Variants in TBC1D22A observed in about 807,000 individuals in gnomAD.
TBC1D22A encodes putative GTPase activator.
Under a neutral mutation model 60.2 loss-of-function variants are expected in TBC1D22A, and 38 were observed. The ratio of observed to expected loss-of-function variants is 0.63; its 90% CI spans 0.49 to 0.83. The LOEUF is 0.83. Ranked by LOEUF, TBC1D22A falls within the 40% of genes least tolerant of loss-of-function variation. The probability of loss-of-function intolerance (pLI) is 0.00; values close to 1 mark genes in which losing one functional copy is unlikely to be tolerated. For missense variants in TBC1D22A, 628 were observed against 701.0 expected (o/e 0.90, Z 1.18); for synonymous variants, 302 against 281.7 (o/e 1.07, Z -0.72).
chr22:46,933,929 G>A (rs2071498509), intron 8 of TBC1D22A, among the ~76,000 whole-genome samples: 2 of 152,222 alleles, frequency 1.3e-5, no homozygotes, highest in Non-Finnish European at 1.5e-5. Context: ...GTGTGGCCAG[G>A]TGGTCTCCAG....
intron 8 of TBC1D22A, among the ~76,000 whole-genome samples, 183 bp downstream of exon 8, chr22:46,912,371 A>T (rs1302812281): frequency 3.3e-5 from 5 of 152,238 alleles, no homozygotes; most frequent in Non-Finnish European, 7.3e-5. Flanking sequence ...TACATGCTCA[A>T]CTACTGAAGA....
chr22:47,065,391 C>T (rs535730139), intron 11 of TBC1D22A, among the ~76,000 whole-genome samples: 9 of 152,246 alleles, frequency 5.9e-5, no homozygotes, highest in Middle Eastern at 3.4e-3. Flanking sequence ...AGCGAAGTTC[C>T]GAGAGTTCAG....
chr22:46,890,728 G>C (rs148868572), intron 5 of TBC1D22A, among the ~76,000 whole-genome samples: 1 of 152,300 alleles, frequency 6.6e-6, no homozygotes, highest in East Asian at 1.9e-4. Flanking sequence ...TTTATGTACT[G>C]AGACTGCAGC....
In TBC1D22A at chr22:46,793,526, C is replaced by T. The variant is rs1182410627; in HGVS notation, c.145C>T (p.Pro49Ser). The change falls in exon 3 of 13, where the codon CCG (proline) becomes TCG (serine). Residue 49 changes from proline to serine, a missense_variant. Transcript: ENST00000337137. ...GTLLRSTAKM[P>S]TTPVKAKRVS... ...TTTGCTCAGGTCCACGGCCAAGATG[C>T]CGACCACACCAGTGAAGGCCAAGAG... is the stretch of plus-strand genomic sequence containing the variant. 1.2e-5 allele frequency: 20 copies of T among 1,614,068 alleles called. No homozygotes were observed. Among genetic ancestry groups the T allele is most frequent in the Middle Eastern group, 1.7e-4 (1 of 6,060 alleles).
chr22:47,172,735 G>C (rs1227876118), intron 12 of TBC1D22A, among the ~76,000 whole-genome samples: 1 of 152,240 alleles, frequency 6.6e-6, no homozygotes, highest in Non-Finnish European at 1.5e-5. Context: ...AGAGGAGGAA[G>C]CTGGGCCTCG....
At chr22:47,015,210 AG>A (rs2061867974) in intron 10 of TBC1D22A, among the ~76,000 whole-genome samples, 1 of 152,216 alleles carries the variant, frequency 6.6e-6, no homozygotes, top group Non-Finnish European at 1.5e-5. Flanking sequence ...GGCCTATGTC[AG>A]CCATGGGCTT....
At chr22:47,021,401 T>C (rs1261016657) in intron 10 of TBC1D22A, among the ~76,000 whole-genome samples, 342 of 92,968 alleles carry the variant, frequency 3.7e-3, no homozygotes, top group Middle Eastern at 8.5e-3. Context: ...CTAGCAGAAC[T>C]CCACCTGTAG....
chr22:47,048,734 A>T (rs1200714988), intron 11 of TBC1D22A, among the ~76,000 whole-genome samples: 1 of 151,866 alleles, frequency 6.6e-6, no homozygotes, highest in Non-Finnish European at 1.5e-5. Context: ...GCAGGGTGGG[A>T]TGGGGACAGG....
intron 10 of TBC1D22A, among the ~76,000 whole-genome samples, chr22:47,021,619 C>T (rs1306024072): frequency 6.6e-6 from 1 of 151,938 alleles, no homozygotes; most frequent in Non-Finnish European, 1.5e-5. Flanking sequence ...CAGAACCTCA[C>T]CTGTCGCCTG....
intron 4 of TBC1D22A, among the ~76,000 whole-genome samples, chr22:46,862,540 G>C (rs2087955287): frequency 1.3e-5 from 2 of 152,246 alleles, no homozygotes. Flanking sequence ...CATTCTCCCA[G>C]TGAAGCACTT....
intron 4 of TBC1D22A, among the ~76,000 whole-genome samples, chr22:46,816,466 A>G (rs1037835420): frequency 4.6e-5 from 7 of 152,228 alleles, no homozygotes; most frequent in Non-Finnish European, 7.3e-5. Context: ...TCTTTCCAAT[A>G]AGATTAGGTA....
At chr22:47,072,407 T>G (rs1376391486) in intron 11 of TBC1D22A, among the ~76,000 whole-genome samples, 1 of 152,254 alleles carries the variant, frequency 6.6e-6, no homozygotes, top group East Asian at 1.9e-4. Context: ...GCAGCCTCCT[T>G]GGCTTTGCAG....
intron 11 of TBC1D22A, among the ~76,000 whole-genome samples, chr22:47,038,868 C>T (rs1198194740): frequency 6.6e-6 from 1 of 152,198 alleles, no homozygotes; most frequent in Non-Finnish European, 1.5e-5. Flanking sequence ...GGACATAAAG[C>T]CTTACCTTGG....
chr22:47,040,575 G>A lies in TBC1D22A; in HGVS notation c.1329+3377G>A, dbSNP rs191697739. On this transcript the variant is annotated intron_variant, in intron 11 of 12. Transcript: ENST00000337137. ...GGAGAGGGAAGCTCGGATGGGGGGTGGGTGGAACCTGGGGAGGGTGATCCC... is the reference window on the plus strand; with the variant it reads ...GGAGAGGGAAGCTCGGATGGGGGGTAGGTGGAACCTGGGGAGGGTGATCCC... Among the ~76,000 whole-genome samples the A allele has an allele frequency of 4.0e-4, 61 of 152,088 alleles. No homozygotes were observed. In the East Asian group the frequency reaches 0.01, roughly 25 times the overall value.
chr22:46,768,114 G>A (rs6008972), intron 1 of TBC1D22A: 89,867 of 152,630 alleles, frequency 0.59, 26,639 homozygotes, highest in Middle Eastern at 0.73. Flanking sequence ...GTGCCGCAGC[G>A]TCCAGTGGTC....
At chr22:46,989,129 T>C (rs1303877006) in intron 9 of TBC1D22A, among the ~76,000 whole-genome samples, 2 of 152,230 alleles carry the variant, frequency 1.3e-5, no homozygotes, top group Non-Finnish European at 2.9e-5. Context: ...TCCTCACTTC[T>C]CTCAGCCTTC....
At chr22:46,792,953 C>CTGT in intron 2 of TBC1D22A, 1 of 1,123,336 alleles carries the variant, frequency 8.9e-7, no homozygotes, top group Non-Finnish European at 1.2e-6. Flanking sequence ...TGTCCTGGCC[C>CTGT]CTCCACAGCA....
chr22:46,768,820 G>A (rs1263016037), intron 1 of TBC1D22A, among the ~76,000 whole-genome samples: 1 of 152,090 alleles, frequency 6.6e-6, no homozygotes, highest in African/African-American at 2.4e-5. Flanking sequence ...GTGGCTGGGC[G>A]CTCTGGCTCA....
rs544142682 is a variant in TBC1D22A, at chr22:47,174,101, C to T, written c.*475C>T. 5.1e-5 allele frequency: 8 copies of T among 157,566 alleles called. No homozygotes were observed. The highest frequency in any genetic ancestry group is 3.3e-3 in the Middle Eastern group (1 of 306). 9.8% of individuals were successfully genotyped at this position (157,566 alleles called of 1,614,324 possible). ...AGACAAAATCTAGACCGAGACGTTG[C>T]GCTGACCCGGGGTCTCTGTGCCGCG... On this transcript the variant is annotated 3_prime_UTR_variant, in exon 13 of 13. Transcript: ENST00000337137.
Sources: gnomAD v4.1 joint callset for allele counts (sites outside exome capture counted in the v4.1 genomes callset) on GRCh38, gnomAD v4.1.1 for gene constraint, MANE v1.5 for transcripts, NCBI Gene and HGNC (gene_info 2026-07-23, HGNC 2026-07-21) for gene names.